The following SLC35F2 variants were observed in gnomAD, a reference collection of about 807,000 sequenced individuals.
The protein encoded by SLC35F2 is queuine/queuosine transporter SLC35F2.
Under a neutral mutation model 38.1 loss-of-function variants are expected in SLC35F2, and 25 were observed. The ratio of observed to expected loss-of-function variants is 0.66; its 90% CI spans 0.48 to 0.92. SLC35F2 has a LOEUF of 0.92. SLC35F2 is among the 40% of genes least tolerant of loss of function. The probability of loss-of-function intolerance (pLI) is 0.00; values close to 1 mark genes in which losing one functional copy is unlikely to be tolerated. For missense variants in SLC35F2, 409 were observed against 452.9 expected, an observed-to-expected ratio of 0.90 and a Z score of 0.88; for synonymous variants, 173 against 181.7, an observed-to-expected ratio of 0.95 and a Z score of 0.38.
rs141192215 is a variant in SLC35F2, at chr11:107,801,407, ATTC to A, written c.939+1591_939+1593del. ...GATTTTTTAAATATAAATCAATGAA[ATTC>A]TTCTCACTATTTTTTTATTTTGAAA... On this transcript the variant is annotated intron_variant, in intron 7 of 7. Coordinates refer to ENST00000525815, the MANE Select transcript of SLC35F2 (RefSeq NM_017515.5). Among the ~76,000 whole-genome samples the A allele has an allele frequency of 4.8e-3, 727 of 152,152 alleles. 6 individuals are homozygous for A. The highest frequency in any genetic ancestry group is 0.017 in the African/African-American group (691 of 41,406).
chr11:107,813,286 A>G (rs1038351894), intron 2 of SLC35F2, among the ~76,000 whole-genome samples: 4 of 152,086 alleles, frequency 2.6e-5, no homozygotes, highest in Non-Finnish European at 5.9e-5. Context: ...CTCTATTAAA[A>G]ATACAAAAAT....
At chr11:107,835,428 A>G (rs12282500) in intron 1 of SLC35F2, among the ~76,000 whole-genome samples, 12,136 of 130,734 alleles carry the variant, frequency 0.093, 1,364 homozygotes, top group African/African-American at 0.3. Context: ...AATAGCCCAC[A>G]GTGACTTTTT....
intron 7 of SLC35F2, among the ~76,000 whole-genome samples, chr11:107,794,483 A>C (rs1187238891): frequency 6.6e-6 from 1 of 152,220 alleles, no homozygotes; most frequent in Non-Finnish European, 1.5e-5. Context: ...ACTGTAACTA[A>C]TGTGTAATCA....
At chr11:107,811,114 T>A (rs930331541) in intron 3 of SLC35F2, 1 of 985,236 alleles carries the variant, frequency 1.0e-6, no homozygotes, top group African/African-American at 1.7e-5. Context: ...TTAAGACAAC[T>A]GAAATCAGTT....
chr11:107,847,360 T>G (rs917326358), intron 1 of SLC35F2, among the ~76,000 whole-genome samples: 4 of 152,184 alleles, frequency 2.6e-5, no homozygotes, highest in African/African-American at 7.2e-5. Flanking sequence ...CTACTACAGC[T>G]TTTTCATAAA....
At chr11:107,804,979 C>T in intron 5 of SLC35F2, 2 of 920,260 alleles carry the variant, frequency 2.2e-6, no homozygotes, top group Non-Finnish European at 2.6e-6. Flanking sequence ...CTTACAGGTG[C>T]TCTGAAATAA....
In SLC35F2 at chr11:107,808,120, G is replaced by T. The variant is rs148607464; in HGVS notation, c.415-1244C>A. On this transcript the variant is annotated intron_variant, in intron 3 of 7. Coordinates refer to ENST00000525815, the MANE Select transcript of SLC35F2 (RefSeq NM_017515.5). Reference sequence around the variant, plus strand: ...GGCTAAGCGCTACAAAGAAGCATGGGTTACTGTGAGAGAACAGACACCATC... The same window carrying T: ...GGCTAAGCGCTACAAAGAAGCATGGTTTACTGTGAGAGAACAGACACCATC... 4.9e-3 allele frequency among the ~76,000 whole-genome samples: 753 copies of T among 152,260 alleles called. 6 individuals carry two copies. The highest frequency in any genetic ancestry group is 0.023 in the South Asian group (109 of 4,828).
intron 1 of SLC35F2, among the ~76,000 whole-genome samples, chr11:107,853,723 A>AG (rs1415440841): frequency 5.3e-5 from 8 of 149,606 alleles, no homozygotes; most frequent in African/African-American, 1.7e-4. Context: ...CCGTCTCAAA[A>AG]AAAAAAAAAA....
At chr11:107,801,092 AG>A (rs992425928) in intron 7 of SLC35F2, among the ~76,000 whole-genome samples, 2 of 151,846 alleles carry the variant, frequency 1.3e-5, no homozygotes, top group Non-Finnish European at 2.9e-5. Flanking sequence ...TTTAGTGGAG[AG>A]GGGGGTTTCC....
intron 1 of SLC35F2, among the ~76,000 whole-genome samples, chr11:107,836,163 G>T (rs1435340403): frequency 6.6e-6 from 1 of 152,204 alleles, no homozygotes. Context: ...ATGTGTAAAA[G>T]ATTGTGGGTG....
chr11:107,827,703 C>T (rs1276774838), intron 1 of SLC35F2, among the ~76,000 whole-genome samples: 1 of 148,872 alleles, frequency 6.7e-6, no homozygotes, highest in South Asian at 2.1e-4. Flanking sequence ...GAGCCGAGAT[C>T]GCAACACTGC....
chr11:107,823,171 T>C, intron 1 of SLC35F2: 1 of 985,316 alleles, frequency 1.0e-6, no homozygotes, highest in Non-Finnish European at 1.2e-6. Flanking sequence ...TCTCAGAGGG[T>C]AGATTCCAAG....
At chr11:107,810,813 C>T (rs1036468662) in intron 3 of SLC35F2, 12 of 977,582 alleles carry the variant, frequency 1.2e-5, no homozygotes, top group East Asian at 1.1e-4. Flanking sequence ...ATTTTCTATG[C>T]GAAATAAGTC....
intron 5 of SLC35F2, 92 bp downstream of exon 5, chr11:107,805,267 G>C: frequency 7.0e-7 from 1 of 1,428,898 alleles, no homozygotes; most frequent in Non-Finnish European, 9.3e-7. Flanking sequence ...TTCCAAATGT[G>C]AATTTGGGCC....
At chr11:107,826,035 C>T (rs915635038) in intron 1 of SLC35F2, among the ~76,000 whole-genome samples, 1 of 152,046 alleles carries the variant, frequency 6.6e-6, no homozygotes, top group African/African-American at 2.4e-5. Flanking sequence ...CATTACAGCA[C>T]TATTTATACT....
At chr11:107,809,541 A>C (rs2134782476) in intron 3 of SLC35F2, 1 of 239,420 alleles carries the variant, frequency 4.2e-6, no homozygotes, top group Non-Finnish European at 6.7e-6. Context: ...CTAAGGCAGG[A>C]GAATCACTTG....
At chr11:107,828,255 T>G (rs1312243883) in intron 1 of SLC35F2, among the ~76,000 whole-genome samples, 16 of 151,976 alleles carry the variant, frequency 1.1e-4, no homozygotes, top group Admixed American at 1.0e-3. Context: ...GCCAACATGG[T>G]GAAACCACGT....
intron 7 of SLC35F2, among the ~76,000 whole-genome samples, chr11:107,801,341 G>A (rs1440359012): frequency 6.6e-6 from 1 of 152,178 alleles, no homozygotes; most frequent in Non-Finnish European, 1.5e-5. Context: ...AAGCAGATGT[G>A]AGAATCCAGG....
intron 1 of SLC35F2, among the ~76,000 whole-genome samples, chr11:107,817,425 G>A (rs116321957): frequency 4.1e-3 from 623 of 152,244 alleles, no homozygotes; most frequent in African/African-American, 0.014. Flanking sequence ...AGAAGATGGC[G>A]TTTCAAAGAG....
Sources: gnomAD v4.1 joint callset for allele counts (sites outside exome capture counted in the v4.1 genomes callset) on GRCh38, gnomAD v4.1.1 for gene constraint, MANE v1.5 for transcripts, NCBI Gene and HGNC (gene_info 2026-07-23, HGNC 2026-07-21) for gene names.